The following AHCTF1 variants were observed in gnomAD, a reference collection of about 807,000 sequenced individuals.
AHCTF1 encodes AT-hook containing transcription factor 1, also known as protein ELYS.
In AHCTF1, 24 loss-of-function variants were observed where a neutral mutation model predicts 248.4. That is an observed-to-expected ratio of 0.10 (90% CI 0.07 to 0.14). AHCTF1 has a LOEUF of 0.14. AHCTF1 is among the 10% of genes least tolerant of loss of function. The probability of loss-of-function intolerance (pLI) is 1.00; values close to 1 mark genes in which losing one functional copy is unlikely to be tolerated. For synonymous variants in AHCTF1, 786 were observed against 929.8 expected (o/e 0.85, Z 2.81); for missense variants, 2,206 against 2,636.2 (o/e 0.84, Z 3.57).
intron 1 of AHCTF1, among the ~76,000 whole-genome samples, chr1:246,926,726 A>G (rs1004054577): frequency 3.3e-5 from 5 of 152,048 alleles, no homozygotes; most frequent in Non-Finnish European, 7.4e-5. Context: ...GTGGTGGCGC[A>G]TGCCTATAAT....
chr1:246,926,445 C>G (rs906847759), intron 1 of AHCTF1, among the ~76,000 whole-genome samples: 1 of 151,986 alleles, frequency 6.6e-6, no homozygotes, highest in Admixed American at 6.6e-5. Context: ...CAAAGGAGTT[C>G]AAAAAAATGT....
At chr1:246,874,724 C>T (rs1026294061) in intron 24 of AHCTF1, among the ~76,000 whole-genome samples, 7 of 152,132 alleles carry the variant, frequency 4.6e-5, no homozygotes, top group Non-Finnish European at 7.3e-5. Context: ...TACAACCTAT[C>T]CTGAGAGATC....
intron 19 of AHCTF1, 144 bp downstream of exon 19, chr1:246,888,033 A>G: frequency 2.3e-6 from 2 of 863,462 alleles, no homozygotes; most frequent in Non-Finnish European, 3.6e-6. Flanking sequence ...CTGAGCCCAA[A>G]CAACAGATCC....
rs1019261639 is a variant in AHCTF1, at chr1:246,840,706, A to G, written c.*100T>C. The G allele has an allele frequency of 1.1e-5, 10 of 921,822 alleles. No individual in the cohort carries two copies. The African/African-American group carries it at 1.6e-4, about 14-fold the overall frequency. 57.1% of individuals were successfully genotyped at this position (921,822 alleles called of 1,614,324 possible). A position where few individuals can be genotyped will look rare whatever the true frequency, so the allele number is the denominator to read the frequency against. On this transcript the variant is annotated 3_prime_UTR_variant, in exon 36 of 36. Transcript: ENST00000648844. ...CCTTCTGTTTACATAAAAATTTACA[A>G]TAATTTATATAAATTATTTTCTTCC... is the stretch of plus-strand genomic sequence containing the variant.
intron 17 of AHCTF1, 61 bp from the exon 18 acceptor site, chr1:246,888,578 C>A: frequency 6.4e-7 from 1 of 1,560,914 alleles, no homozygotes; most frequent in South Asian, 1.2e-5. Flanking sequence ...TCAAAGCAAC[C>A]AGCATCAAAA....
chr1:246,861,388 TTTG>T, intron 28 of AHCTF1, 93 bp from the exon 29 acceptor site: 5 of 1,169,354 alleles, frequency 4.3e-6, no homozygotes, highest in Admixed American at 5.8e-5. Context: ...CCATACTTTC[TTTG>T]TTGTTTTTAC....
chr1:246,841,094 T>TTA, intron 35 of AHCTF1, 96 bp from the exon 36 acceptor site: 1 of 986,584 alleles, frequency 1.0e-6, no homozygotes, highest in East Asian at 2.8e-5. Flanking sequence ...TAGGGACTGC[T>TTA]TAGTGCTTTC....
At chr1:246,904,842 T>C (rs1665270977) in intron 6 of AHCTF1, among the ~76,000 whole-genome samples, 1 of 152,148 alleles carries the variant, frequency 6.6e-6, no homozygotes, top group Non-Finnish European at 1.5e-5. Context: ...CACCACACCT[T>C]CCTAATATTC....
At chr1:246,880,361 G>A (rs999978525) in intron 21 of AHCTF1, among the ~76,000 whole-genome samples, 4 of 151,662 alleles carry the variant, frequency 2.6e-5, no homozygotes, top group Non-Finnish European at 4.4e-5. Flanking sequence ...TCAGGAATTC[G>A]AGGCCAGCCT....
In AHCTF1 at chr1:246,895,825, A is replaced by G. The variant is rs928441389; in HGVS notation, c.1714+10T>C. On this transcript the variant is annotated intron_variant, in intron 13 of 35. Transcript: ENST00000648844. Reference sequence around the variant, plus strand: ...AATACCAAACATTTTACTTGTTATCAGAATCTTACCTTCTGTTATCCATCT... The same window carrying G: ...AATACCAAACATTTTACTTGTTATCGGAATCTTACCTTCTGTTATCCATCT... 6.3e-7 allele frequency: 1 copy of G among 1,592,024 alleles called. No individual in the cohort carries two copies. Among genetic ancestry groups the G allele is most frequent in the Non-Finnish European group, 8.6e-7 (1 of 1,167,116 alleles).
intron 7 of AHCTF1, among the ~76,000 whole-genome samples, chr1:246,903,652 ACC>A (rs1038477874): frequency 2.3e-5 from 2 of 88,450 alleles, no homozygotes; most frequent in African/African-American, 5.0e-5. Context: ...AGATGGTGAG[ACC>A]CCCCCCCCTC....
rs1202439307 is a variant in AHCTF1 at position 246,840,038 on chromosome 1, C to T, written c.*768G>A. On this transcript the variant is annotated 3_prime_UTR_variant, in exon 36 of 36. Transcript: ENST00000648844. ...CATCTCATCCTATCAATATTAGGCACATACAAGATGCACTCAATATCCATA... is the reference window on the plus strand; with the variant it reads ...CATCTCATCCTATCAATATTAGGCATATACAAGATGCACTCAATATCCATA... 2 of 152,548 alleles carry T rather than the reference C, an allele frequency of 1.3e-5. No homozygotes were observed. The highest frequency in any genetic ancestry group is 1.5e-5 in the Non-Finnish European group (1 of 68,032). The allele number at this position is 152,548 out of a possible 1,614,324, so 9.4% of individuals were successfully genotyped here.
At chr1:246,842,630 G>A in intron 35 of AHCTF1, 64 bp downstream of exon 35, 3 of 1,298,918 alleles carry the variant, frequency 2.3e-6, no homozygotes, top group Non-Finnish European at 3.3e-6. Context: ...AGGATAGTAG[G>A]GTGGGGACAG....
chr1:246,884,449 T>A (rs935116472), intron 21 of AHCTF1, among the ~76,000 whole-genome samples: 1 of 152,202 alleles, frequency 6.6e-6, no homozygotes, highest in Non-Finnish European at 1.5e-5. Flanking sequence ...GGTAATTGGT[T>A]CATGTATAAC....
chr1:246,924,563 A>G (rs574552672), intron 1 of AHCTF1, among the ~76,000 whole-genome samples: 21 of 152,114 alleles, frequency 1.4e-4, no homozygotes, highest in Non-Finnish European at 2.4e-4. Context: ...AAATCAACCT[A>G]ACGTTCTTTC....
chr1:246,923,474 T>C (rs1414875727), intron 1 of AHCTF1, among the ~76,000 whole-genome samples: 1 of 152,102 alleles, frequency 6.6e-6, no homozygotes, highest in Non-Finnish European at 1.5e-5. Flanking sequence ...TGAAACAATG[T>C]GATATAGGCT....
At chr1:246,884,954 CCT>C (rs1270115244) in intron 21 of AHCTF1, among the ~76,000 whole-genome samples, 1 of 152,170 alleles carries the variant, frequency 6.6e-6, no homozygotes, top group Non-Finnish European at 1.5e-5. Context: ...CTTCATTCTT[CCT>C]CTCTATTCCT....
Position 246,913,341 on chromosome 1 carries a change from C to A in AHCTF1, c.447G>T (p.Leu149=). 6.2e-7 allele frequency: 1 copy of A among 1,613,984 alleles called. No individual in the cohort carries two copies. The highest frequency in any genetic ancestry group is 8.5e-7 in the Non-Finnish European group (1 of 1,179,866). ...CAGCTGCCACTCCAAAAAGCCATCG[C>A]AGACTTGGATGTAAATGCTGAGTGC... ...SASTQHLHPS[L]RWLFGVAAVV... Residue 149 remains leucine, a synonymous_variant, in exon 4 of 36, where the codon CTG becomes CTT. Coordinates refer to ENST00000648844, the MANE Select transcript of AHCTF1 (RefSeq NM_001323342.2).
At chr1:246,901,265 T>C (rs1249854918) in intron 8 of AHCTF1, among the ~76,000 whole-genome samples, 17 of 152,014 alleles carry the variant, frequency 1.1e-4, no homozygotes, top group Non-Finnish European at 1.5e-5. Flanking sequence ...CGCTTGAACC[T>C]GGGAAGCAGA....
Sources: gnomAD v4.1 joint callset for allele counts (sites outside exome capture counted in the v4.1 genomes callset) on GRCh38, gnomAD v4.1.1 for gene constraint, MANE v1.5 for transcripts, NCBI Gene and HGNC (gene_info 2026-07-23, HGNC 2026-07-21) for gene names.